Variants in C6orf62 observed in about 807,000 individuals in gnomAD.
C6orf62 encodes chromosome 6 open reading frame 62, also known as uncharacterized protein C6orf62.
C6orf62 carries 16 observed loss-of-function variants against 26.8 expected under a neutral mutation model. The ratio of observed to expected loss-of-function variants is 0.60; its 90% CI spans 0.40 to 0.91. C6orf62 has a LOEUF of 0.91. Ranked by LOEUF, C6orf62 falls within the 40% of genes least tolerant of loss-of-function variation. C6orf62 has a pLI of 0.00. For missense variants in C6orf62, 192 were observed against 271.4 expected (o/e 0.71, Z 2.06); for synonymous variants, 112 against 91.5 (o/e 1.22, Z -1.28).
chr6:24,706,244 T>C lies in C6orf62; in HGVS notation c.583A>G (p.Thr195Ala). The C allele has an allele frequency of 1.2e-6, 2 of 1,614,198 alleles. No homozygotes were observed. The highest frequency in any genetic ancestry group is 1.7e-6 in the Non-Finnish European group (2 of 1,180,028). ...CAGATGCTGCATAACTTGAAGATTGTAGCTTTGTTTTTTGGAGTCTGGAAG... is the reference window on the plus strand; with the variant it reads ...CAGATGCTGCATAACTTGAAGATTGCAGCTTTGTTTTTTGGAGTCTGGAAG... ...QHLQTPKNKA[T>A]IFKLCSICLY... The change falls in exon 5 of 5, where the codon ACA becomes GCA. Residue 195 changes from threonine to alanine, a missense_variant. Thr to Ala is a moderately conservative substitution (Grantham distance 58). Transcript: ENST00000378119.
chr6:24,716,848 C>T (rs1779243913), intron 1 of C6orf62, among the ~76,000 whole-genome samples: 2 of 151,948 alleles, frequency 1.3e-5, no homozygotes, highest in Non-Finnish European at 2.9e-5. Context: ...CTCAGCCTCT[C>T]GAGTAGCTGG....
At chr6:24,719,807 T>TCCCC, upstream of C6orf62, 1 of 1,546,940 alleles carries the variant, frequency 6.5e-7, no homozygotes. Context: ...CCACCTGCCT[T>TCCCC]CCACCCCCGC....
At chr6:24,709,585 T>C (rs1273339191) in intron 3 of C6orf62, 1 of 984,992 alleles carries the variant, frequency 1.0e-6, no homozygotes, top group Non-Finnish European at 1.2e-6. Flanking sequence ...ACAACTGAAA[T>C]ATAGTTTTGC....
At chr6:24,720,023 C>A, upstream of C6orf62, 1 of 1,481,800 alleles carries the variant, frequency 6.7e-7, no homozygotes, top group South Asian at 1.4e-5. Context: ...GCCCACCCAC[C>A]CTCCCCCCAA....
At chr6:24,713,387 C>T (rs902730309) in intron 3 of C6orf62, among the ~76,000 whole-genome samples, 21 of 152,112 alleles carry the variant, frequency 1.4e-4, no homozygotes, top group Admixed American at 1.3e-3. Flanking sequence ...TGTGTAGCAA[C>T]ATTACCATGG....
In C6orf62 at chr6:24,709,404, C is replaced by T. The variant is rs1047512175; in HGVS notation, c.430-493G>A. The T allele has an allele frequency of 1.2e-5, 12 of 979,558 alleles. No individual in the cohort carries two copies. The South Asian group carries it at 1.4e-4, about 12-fold the overall frequency. The allele number at this position is 979,558 out of a possible 1,614,324, so 60.7% of individuals were successfully genotyped here. On this transcript the variant is annotated intron_variant, in intron 3 of 4. Coordinates refer to ENST00000378119, the MANE Select transcript of C6orf62 (RefSeq NM_030939.5). ...TGATTAGGAGTCACATTGTTAATTG[C>T]TGTTTCTAAGAAAAAAAAAAAATAA...
chr6:24,715,413 A>G (rs912669888), intron 2 of C6orf62, among the ~76,000 whole-genome samples: 1 of 152,250 alleles, frequency 6.6e-6, no homozygotes, highest in Non-Finnish European at 1.5e-5. Context: ...GACATAAGAC[A>G]TTTATCCACA....
At chr6:24,710,753 C>T (rs1779105858) in intron 3 of C6orf62, among the ~76,000 whole-genome samples, 1 of 152,176 alleles carries the variant, frequency 6.6e-6, no homozygotes, top group African/African-American at 2.4e-5. Flanking sequence ...AATCCCAGCA[C>T]TTTGGGAGTC....
At chr6:24,708,173 C>A (rs532932350) in intron 4 of C6orf62, among the ~76,000 whole-genome samples, 1 of 151,510 alleles carries the variant, frequency 6.6e-6, no homozygotes, top group Non-Finnish European at 1.5e-5. Context: ...CTGGTAGACA[C>A]GCTTTAGGGC....
Position 24,706,065 on chromosome 6 carries a change from A to T in C6orf62, c.*72T>A, listed in dbSNP as rs944589875. The T allele has an allele frequency of 2.5e-6, 4 of 1,579,162 alleles. No individual in the cohort carries two copies. Among genetic ancestry groups the T allele is most frequent in the Non-Finnish European group, 3.4e-6 (4 of 1,159,922 alleles). On this transcript the variant is annotated 3_prime_UTR_variant, in exon 5 of 5. Transcript: ENST00000378119. ...CATTTTCTTTAAACTCTGAAAGAAT[A>T]AAGTGGTAAGAAAACAAGAAAAAAA...
At chr6:24,709,758 T>G in intron 3 of C6orf62, 1 of 985,410 alleles carries the variant, frequency 1.0e-6, no homozygotes, top group Non-Finnish European at 1.2e-6. Flanking sequence ...CCACAAAATA[T>G]CTGTTGGGCA....
At position 24,714,400 on chromosome 6, in the gene C6orf62, C is replaced by T; in HGVS notation, c.347G>A (p.Trp116Ter). Residue 116 changes from tryptophan to a stop codon, truncating the protein, a stop_gained, in exon 3 of 5, where the codon TGG becomes TAG. Coordinates refer to ENST00000378119, the MANE Select transcript of C6orf62 (RefSeq NM_030939.5). LOFTEE classifies it high-confidence loss of function. ...GCTQEMDFIL[W>*]PRNDIEKIVC... The stretch of plus-strand genomic sequence containing the variant: ...GATTTTTTCAATATCATTCCGAGGC[C>T]AAAGAATGAAATCCATCTCCTGAGT... The T allele has an allele frequency of 6.2e-7, 1 of 1,606,468 alleles. No individual in the cohort carries two copies. Among genetic ancestry groups the T allele is most frequent in the Admixed American group, 1.7e-5 (1 of 59,454 alleles).
upstream of C6orf62, chr6:24,719,172 A>G (rs1281897574): frequency 1.0e-6 from 1 of 986,266 alleles, no homozygotes; most frequent in Non-Finnish European, 1.2e-6. Flanking sequence ...AAAAAAAAAA[A>G]AAACTCACCA....
rs1478272536 is a variant in C6orf62 at position 24,718,942 on chromosome 6, A to G, written c.-274T>C. 4 of 1,232,520 alleles carry G rather than the reference A, an allele frequency of 3.2e-6. No individual in the cohort carries two copies. The highest frequency in any genetic ancestry group is 4.1e-6 in the Non-Finnish European group (4 of 983,832). The allele number at this position is 1,232,520 out of a possible 1,614,324, so 76.3% of individuals were successfully genotyped here. A position where few individuals can be genotyped will look rare whatever the true frequency, so the allele number is the denominator to read the frequency against. On this transcript the variant is annotated 5_prime_UTR_variant, in exon 1 of 5. Coordinates refer to ENST00000378119, the MANE Select transcript of C6orf62 (RefSeq NM_030939.5). The stretch of plus-strand genomic sequence containing the variant: ...AAAAAGGGAGGAAAGAAAGGAAAGA[A>G]AGAGGAGAAAATAACTAACTTTCTG...
At chr6:24,714,823 C>CA (rs1165047733) in intron 2 of C6orf62, among the ~76,000 whole-genome samples, 1 of 152,140 alleles carries the variant, frequency 6.6e-6, no homozygotes, top group East Asian at 1.9e-4. Context: ...TTCACCACGT[C>CA]AGCCAGGCTG....
chr6:24,715,080 C>T (rs1779195994), intron 2 of C6orf62, among the ~76,000 whole-genome samples: 1 of 152,186 alleles, frequency 6.6e-6, no homozygotes, highest in Admixed American at 6.5e-5. Flanking sequence ...AAAAATCAAT[C>T]TATTTAAAAA....
chr6:24,719,358 G>C, upstream of C6orf62: 6 of 1,004,298 alleles, frequency 6.0e-6, no homozygotes, highest in Non-Finnish European at 5.9e-6. Context: ...GGTGAGCATA[G>C]AGAAAAGTGC....
At chr6:24,715,522 A>T (rs1002981589) in intron 2 of C6orf62, among the ~76,000 whole-genome samples, 37 of 152,332 alleles carry the variant, frequency 2.4e-4, no homozygotes, top group African/African-American at 7.2e-4. Flanking sequence ...AAATTTTTAA[A>T]CTTTCTGCAT....
intron 2 of C6orf62, 76 bp downstream of exon 2, chr6:24,716,072 G>T: frequency 1.6e-6 from 2 of 1,263,252 alleles, no homozygotes; most frequent in Admixed American, 1.9e-5. Flanking sequence ...CCACTTTAAG[G>T]GGGGTTCGGG....
Sources: gnomAD v4.1 joint callset for allele counts (sites outside exome capture counted in the v4.1 genomes callset) on GRCh38, gnomAD v4.1.1 for gene constraint, MANE v1.5 for transcripts, NCBI Gene and HGNC (gene_info 2026-07-23, HGNC 2026-07-21) for gene names.